Variants in NTM observed in about 807,000 individuals in gnomAD.
NTM encodes IgLON family member 2.
A neutral mutation model predicts 42.1 loss-of-function variants in NTM; 13 were observed. That is an observed-to-expected ratio of 0.31 (90% CI 0.20 to 0.49). The LOEUF is 0.49. Among genes scored for constraint, NTM ranks in the 20% least tolerant of loss-of-function variants. The pLI is 0.99. For missense variants in NTM, 373 were observed against 452.8 expected, an observed-to-expected ratio of 0.82 and a Z score of 1.60; for synonymous variants, 187 against 179.2, an observed-to-expected ratio of 1.04 and a Z score of -0.35.
chr11:131,479,027 C>T (rs1474055223), intron 1 of NTM, among the ~76,000 whole-genome samples: 1 of 152,212 alleles, frequency 6.6e-6, no homozygotes, highest in African/African-American at 2.4e-5. Flanking sequence ...CCGCACGCCA[C>T]CTTGCAAAGC....
intron 1 of NTM, among the ~76,000 whole-genome samples, chr11:131,641,595 G>T (rs1052865110): frequency 6.6e-6 from 1 of 152,190 alleles, no homozygotes; most frequent in Non-Finnish European, 1.5e-5. Context: ...TTTCCAAGGG[G>T]GGGAAGCTAT....
intron 4 of NTM, among the ~76,000 whole-genome samples, chr11:132,238,321 G>C (rs1237224997): frequency 1.3e-5 from 2 of 152,118 alleles, no homozygotes; most frequent in African/African-American, 4.8e-5. Flanking sequence ...GCAGGAGAAG[G>C]AAGCAGGCAG....
intron 2 of NTM, among the ~76,000 whole-genome samples, chr11:132,088,593 G>A (rs1055424453): frequency 3.9e-5 from 6 of 152,188 alleles, no homozygotes; most frequent in Non-Finnish European, 7.3e-5. Flanking sequence ...AAGAAGCCAC[G>A]CTCTTCCCCA....
At chr11:132,098,221 C>G (rs1348001634) in intron 2 of NTM, among the ~76,000 whole-genome samples, 5 of 152,116 alleles carry the variant, frequency 3.3e-5, no homozygotes, top group African/African-American at 1.2e-4. Context: ...AAATCAGAGC[C>G]AAACAGTGTA....
At chr11:131,750,890 C>T (rs1471343835) in intron 1 of NTM, among the ~76,000 whole-genome samples, 1 of 152,134 alleles carries the variant, frequency 6.6e-6, no homozygotes, top group Non-Finnish European at 1.5e-5. Flanking sequence ...GCTCTCTCTC[C>T]TCACCACAGG....
intron 2 of NTM, among the ~76,000 whole-genome samples, chr11:131,973,860 G>A (rs2063922094): frequency 6.6e-6 from 1 of 152,014 alleles, no homozygotes; most frequent in Non-Finnish European, 1.5e-5. Context: ...GCACAGCATA[G>A]GCATTCAATA....
chr11:132,024,468 T>C (rs992105218), intron 2 of NTM, among the ~76,000 whole-genome samples: 4 of 152,240 alleles, frequency 2.6e-5, no homozygotes, highest in African/African-American at 9.6e-5. Context: ...AGATTACTTA[T>C]AATGGCTAAT....
intron 3 of NTM, among the ~76,000 whole-genome samples, chr11:132,189,102 G>A (rs2078892902): frequency 6.6e-6 from 1 of 152,156 alleles, no homozygotes; most frequent in Admixed American, 6.5e-5. Flanking sequence ...ATAGTGTTGG[G>A]AAGGGGGGCA....
intron 1 of NTM, among the ~76,000 whole-genome samples, chr11:131,711,371 C>T (rs888313209): frequency 6.6e-6 from 1 of 152,152 alleles, no homozygotes; most frequent in South Asian, 2.1e-4. Context: ...CCAAAAAACA[C>T]ATGAAAAAAT....
At chr11:131,598,100 C>T (rs1414085731) in intron 1 of NTM, among the ~76,000 whole-genome samples, 1 of 152,220 alleles carries the variant, frequency 6.6e-6, no homozygotes, top group Admixed American at 6.5e-5. Flanking sequence ...TGAGCTCAGA[C>T]CCTGCCCTTT....
intron 1 of NTM, among the ~76,000 whole-genome samples, chr11:131,812,982 T>A (rs1019405790): frequency 1.3e-5 from 2 of 152,172 alleles, no homozygotes; most frequent in Non-Finnish European, 2.9e-5. Context: ...CCGTAAGGCA[T>A]CCCTTGGTTT....
In NTM at chr11:131,876,774, G is replaced by A. The variant is rs566645697; in HGVS notation, c.83-34790G>A. 2.6e-5 allele frequency among the ~76,000 whole-genome samples: 4 copies of A among 152,180 alleles called. No individual in the cohort carries two copies. The South Asian group carries it at 6.2e-4, about 24-fold the overall frequency. ...AAATAACAATGGCTATGCTAGAACCGTAGTGCAAAATGTAATGAAATAACA... is the reference window on the plus strand; with the variant it reads ...AAATAACAATGGCTATGCTAGAACCATAGTGCAAAATGTAATGAAATAACA... On this transcript the variant is annotated intron_variant, in intron 1 of 8. Coordinates refer to ENST00000683400, the MANE Select transcript of NTM (RefSeq NM_001352005.2).
intron 1 of NTM, among the ~76,000 whole-genome samples, chr11:131,600,309 A>C (rs1207177915): frequency 6.6e-6 from 1 of 152,240 alleles, no homozygotes; most frequent in East Asian, 1.9e-4. Context: ...AAGGTTATTG[A>C]AAAATTCATA....
intron 1 of NTM, among the ~76,000 whole-genome samples, chr11:131,669,035 G>A (rs765949295): frequency 4.6e-5 from 7 of 152,182 alleles, no homozygotes; most frequent in Admixed American, 6.5e-5. Flanking sequence ...AAGCCACCAC[G>A]CCCCTCTGGG....
intron 3 of NTM, among the ~76,000 whole-genome samples, chr11:132,164,005 C>A (rs2074860463): frequency 6.6e-6 from 1 of 152,152 alleles, no homozygotes. Flanking sequence ...CTGGCTTATC[C>A]AAGGTCATGC....
At chr11:131,983,742 G>A (rs1343954504) in intron 2 of NTM, among the ~76,000 whole-genome samples, 3 of 150,810 alleles carry the variant, frequency 2.0e-5, no homozygotes, top group Non-Finnish European at 4.4e-5. Context: ...TTTATGACTT[G>A]CTCACTCAAC....
intron 3 of NTM, among the ~76,000 whole-genome samples, chr11:132,198,294 T>C (rs1239921158): frequency 1.3e-5 from 2 of 152,172 alleles, no homozygotes; most frequent in Non-Finnish European, 2.9e-5. Context: ...CAGCCTCAAC[T>C]TCCTGAGCTA....
At chr11:131,603,953 T>G (rs1446864310) in intron 1 of NTM, among the ~76,000 whole-genome samples, 3 of 152,210 alleles carry the variant, frequency 2.0e-5, no homozygotes, top group African/African-American at 7.2e-5. Flanking sequence ...ACATGTGGAT[T>G]GTTTTTACTT....
intron 2 of NTM, among the ~76,000 whole-genome samples, chr11:132,125,486 G>C (rs2065569449): frequency 1.1e-5 from 1 of 91,478 alleles, no homozygotes; most frequent in Admixed American, 1.1e-4. Flanking sequence ...TGATGTGTCT[G>C]TGATGCGTGT....
Sources: gnomAD v4.1 joint callset for allele counts (sites outside exome capture counted in the v4.1 genomes callset) on GRCh38, gnomAD v4.1.1 for gene constraint, MANE v1.5 for transcripts, NCBI Gene and HGNC (gene_info 2026-07-23, HGNC 2026-07-21) for gene names.